Variants in XRCC5 observed in about 807,000 individuals in gnomAD.
The protein encoded by XRCC5 is X-ray repair cross complementing 5, also known as DNA repair protein Ku80.
In XRCC5, 12 loss-of-function variants were observed where a neutral mutation model predicts 95.7. The observed-to-expected ratio is 0.13, with a 90% CI of 0.08 to 0.20. XRCC5 has a LOEUF of 0.20. Ranked by LOEUF, XRCC5 falls within the 10% of genes least tolerant of loss-of-function variation. XRCC5 has a pLI of 1.00. For missense variants in XRCC5, 595 were observed against 873.9 expected, an observed-to-expected ratio of 0.68 and a Z score of 4.02; for synonymous variants, 281 against 290.3, an observed-to-expected ratio of 0.97 and a Z score of 0.33.
At chr2:216,149,533 G>C (rs1688703854) in intron 14 of XRCC5, among the ~76,000 whole-genome samples, 1 of 152,106 alleles carries the variant, frequency 6.6e-6, no homozygotes, top group African/African-American at 2.4e-5. Context: ...TTTTAAAACA[G>C]TTCAATAAAA....
chr2:216,142,033 G>T (rs537212036), intron 13 of XRCC5, among the ~76,000 whole-genome samples: 2 of 151,998 alleles, frequency 1.3e-5, no homozygotes, highest in Non-Finnish European at 2.9e-5. Context: ...CAGCCTGGGC[G>T]GCAGAATGAG....
intron 16 of XRCC5, among the ~76,000 whole-genome samples, chr2:216,185,860 A>G (rs983819242): frequency 2.0e-5 from 3 of 152,030 alleles, no homozygotes; most frequent in Non-Finnish European, 4.4e-5. Context: ...CCTGACCTCA[A>G]GTGATCCGTC....
chr2:216,171,005 C>A (rs997517089), intron 16 of XRCC5, among the ~76,000 whole-genome samples: 1 of 152,194 alleles, frequency 6.6e-6, no homozygotes, highest in Admixed American at 6.5e-5. Flanking sequence ...AAAAGGAAAC[C>A]GGTTTCAGAT....
chr2:216,194,859 G>A (rs538736227), intron 18 of XRCC5, 60 bp from the exon 19 acceptor site: 36 of 1,553,434 alleles, frequency 2.3e-5, no homozygotes, highest in Admixed American at 1.0e-4. Context: ...TGATGGAAAC[G>A]AAAATGGGAT....
intron 16 of XRCC5, among the ~76,000 whole-genome samples, chr2:216,183,976 C>A (rs1689441218): frequency 6.6e-6 from 1 of 151,214 alleles, no homozygotes; most frequent in Non-Finnish European, 1.5e-5. Flanking sequence ...ACTCTTCAGT[C>A]CGAACTCTTT....
intron 12 of XRCC5, among the ~76,000 whole-genome samples, chr2:216,139,360 C>T (rs1011890020): frequency 2.6e-5 from 4 of 151,020 alleles, no homozygotes; most frequent in African/African-American, 7.3e-5. Context: ...TGGTGGGAGG[C>T]GAAAGGCACT....
intron 8 of XRCC5, among the ~76,000 whole-genome samples, chr2:216,129,043 A>G (rs1037172348): frequency 3.3e-5 from 5 of 152,228 alleles, no homozygotes; most frequent in African/African-American, 1.2e-4. Context: ...AGCCACTTAC[A>G]GTTTTGAGGA....
intron 13 of XRCC5, among the ~76,000 whole-genome samples, chr2:216,144,842 GAAC>G (rs1688592885): frequency 6.6e-6 from 1 of 152,118 alleles, no homozygotes; most frequent in African/African-American, 2.4e-5. Context: ...GTAGGAGAGA[GAAC>G]AAAGTAGAGA....
At chr2:216,126,932 A>G (rs1396864275) in intron 7 of XRCC5, among the ~76,000 whole-genome samples, 2 of 151,278 alleles carry the variant, frequency 1.3e-5, no homozygotes, top group African/African-American at 4.9e-5. Context: ...ATTGGAAACT[A>G]TGATAAAATG....
chr2:216,195,605 T>TA (rs139295382), intron 19 of XRCC5, among the ~76,000 whole-genome samples: 4,609 of 152,130 alleles, frequency 0.03, 233 homozygotes, highest in African/African-American at 0.1. Flanking sequence ...GTATTTTCAG[T>TA]AAAAGACCCC....
At chr2:216,151,496 G>A (rs908337250) in intron 14 of XRCC5, among the ~76,000 whole-genome samples, 6 of 152,188 alleles carry the variant, frequency 3.9e-5, no homozygotes, top group Admixed American at 2.0e-4. Context: ...TAATGGTTAA[G>A]ACTTCAGACT....
chr2:216,138,558 A>G (rs977601274), intron 12 of XRCC5, among the ~76,000 whole-genome samples: 1 of 152,160 alleles, frequency 6.6e-6, no homozygotes, highest in South Asian at 2.1e-4. Flanking sequence ...ATGAAAAGTG[A>G]CAGTGCTGAA....
chr2:216,131,455 T>C (rs574354039), intron 9 of XRCC5, among the ~76,000 whole-genome samples: 4 of 152,300 alleles, frequency 2.6e-5, no homozygotes, highest in African/African-American at 9.6e-5. Flanking sequence ...AAGTTGATCT[T>C]GGTAGATAAG....
chr2:216,111,506 A>G (rs1189134734), intron 1 of XRCC5: 2 of 314,610 alleles, frequency 6.4e-6, no homozygotes, highest in Non-Finnish European at 1.3e-5. Flanking sequence ...CCTGGGTGAC[A>G]GTGAGACCAT....
chr2:216,117,585 T>C (rs922360245), intron 3 of XRCC5, 161 bp from the exon 4 acceptor site: 31 of 606,970 alleles, frequency 5.1e-5, no homozygotes, highest in African/African-American at 4.0e-4. Context: ...AATGTATGAA[T>C]ATATGTTAGT....
intron 2 of XRCC5, among the ~76,000 whole-genome samples, chr2:216,113,500 A>G (rs963019368): frequency 5.3e-5 from 8 of 152,232 alleles, no homozygotes; most frequent in African/African-American, 9.6e-5. Flanking sequence ...TAGTTCAGTT[A>G]TCTTTTGCTG....
Position 216,122,243 on chromosome 2 carries a change from TA to T in XRCC5, c.674del (p.Tyr225PhefsTer7). Reference protein sequence around the residue: ...LEGEDGLDEIYSFSESLRKLC... With the variant: ...LEGEDGLDEIXSFSESLRKLC... ...AGGTGAAGATGGGTTGGATGAAATT[TA>T]TTCATTCAGGTAAGAATTGAAAACA... On this transcript the variant is annotated frameshift_variant, in exon 6 of 21. Transcript: ENST00000392132. LOFTEE classifies it high-confidence loss of function. 6.2e-7 allele frequency: 1 copy of T among 1,608,844 alleles called. No individual in the cohort carries two copies. Among genetic ancestry groups the T allele is most frequent in the African/African-American group, 1.3e-5 (1 of 74,958 alleles).
At chr2:216,182,067 A>G (rs1689399044) in intron 16 of XRCC5, among the ~76,000 whole-genome samples, 1 of 152,214 alleles carries the variant, frequency 6.6e-6, no homozygotes, top group African/African-American at 2.4e-5. Flanking sequence ...TTTCCTTTCA[A>G]AAAAGACTCA....
intron 16 of XRCC5, among the ~76,000 whole-genome samples, chr2:216,168,827 T>C (rs1425376204): frequency 1.3e-5 from 2 of 152,196 alleles, no homozygotes. Flanking sequence ...GTAAGTATTA[T>C]TATCCCCATT....
Sources: gnomAD v4.1 joint callset for allele counts (sites outside exome capture counted in the v4.1 genomes callset) on GRCh38, gnomAD v4.1.1 for gene constraint, MANE v1.5 for transcripts, NCBI Gene and HGNC (gene_info 2026-07-23, HGNC 2026-07-21) for gene names.